Variants in TRANK1 observed in about 807,000 individuals in gnomAD.
TRANK1 encodes tetratricopeptide repeat and ankyrin repeat containing 1.
A neutral mutation model predicts 266.0 loss-of-function variants in TRANK1; 198 were observed. The observed-to-expected ratio is 0.74, with a 90% CI of 0.66 to 0.84. The LOEUF is 0.84. TRANK1 is among the 40% of genes least tolerant of loss of function. The pLI is 0.00. For synonymous variants in TRANK1, 1,396 were observed against 1,384.1 expected (o/e 1.01, Z -0.19); for missense variants, 3,326 against 3,634.6 (o/e 0.92, Z 2.18).
In TRANK1 at chr3:36,842,708, A is replaced by T; in HGVS notation, c.5194T>A (p.Phe1732Ile). Reference sequence around the variant, plus strand: ...GTCTTAACGAACATGCTATCATCAAAGTCTAAAATGAGAAAGAAAAGTGTG... The same window carrying T: ...GTCTTAACGAACATGCTATCATCAATGTCTAAAATGAGAAAGAAAAGTGTG... ...QVVKTDENKD[F>I]DDSMFVKTST... Residue 1732 changes from phenylalanine to isoleucine, a missense_variant and splice_region_variant, in exon 18 of 24, where the codon TTT becomes ATT. Transcript: ENST00000645898. 1 of 1,613,596 alleles carries T rather than the reference A, an allele frequency of 6.2e-7. No homozygotes were observed.
chr3:36,833,817 A>C lies in TRANK1; in HGVS notation c.5766T>G (p.Asn1922Lys). 1 of 1,613,938 alleles carries C rather than the reference A, an allele frequency of 6.2e-7. No homozygotes were observed. The highest frequency in any genetic ancestry group is 8.5e-7 in the Non-Finnish European group (1 of 1,179,886). The change falls in exon 22 of 24, where the codon AAT becomes AAG. Residue 1922 changes from asparagine to lysine, a missense_variant. Coordinates refer to ENST00000645898, the MANE Select transcript of TRANK1 (RefSeq NM_001329998.2). ...GGACAGCCATCATTTCCTTCATCTT[A>C]TTTGCACTCAGATACTTTGCTGCAG... Reference protein sequence around the residue: ...LEAAAKYLSANKMKEMMAVLS... With the variant: ...LEAAAKYLSAKKMKEMMAVLS...
intron 1 of TRANK1, among the ~76,000 whole-genome samples, chr3:36,921,471 A>T (rs1434213264): frequency 1.3e-5 from 2 of 152,212 alleles, no homozygotes; most frequent in Non-Finnish European, 2.9e-5. Context: ...GAAGTAAGGG[A>T]GTAAGAGTAC....
chr3:36,828,966 A>G (rs962007045), intron 23 of TRANK1, among the ~76,000 whole-genome samples: 2 of 152,210 alleles, frequency 1.3e-5, no homozygotes, highest in African/African-American at 4.8e-5. Context: ...GCAAGAAGGA[A>G]TGTGGTCCTG....
At chr3:36,849,225 C>T (rs895967136) in intron 15 of TRANK1, among the ~76,000 whole-genome samples, 1 of 152,100 alleles carries the variant, frequency 6.6e-6, no homozygotes, top group Non-Finnish European at 1.5e-5. Flanking sequence ...TCTGTCCCAC[C>T]GCCATGAGTA....
At chr3:36,851,406 A>G (rs898194953) in intron 15 of TRANK1, 5 of 1,093,698 alleles carry the variant, frequency 4.6e-6, no homozygotes, top group Non-Finnish European at 5.5e-6. Context: ...GCTTGCTCCA[A>G]CTTGGGCATC....
chr3:36,837,748 G>A (rs927073898), intron 20 of TRANK1, among the ~76,000 whole-genome samples: 1 of 152,234 alleles, frequency 6.6e-6, no homozygotes, highest in Non-Finnish European at 1.5e-5. Flanking sequence ...ATAGTTTGTA[G>A]CCTGCTGACC....
rs763988477 is a variant in TRANK1 at position 36,856,815 on chromosome 3, G to T, written c.2907C>A (p.Val969=). Reference sequence around the variant, plus strand: ...TGATACCTTTCAGCTTCTTCCGCAGGACACAGGACAAGCCCCGGTTGTAGG... The same window carrying T: ...TGATACCTTTCAGCTTCTTCCGCAGTACACAGGACAAGCCCCGGTTGTAGG... ...CNAYNRGLSC[V]LRKKLKGINK... The change falls in exon 13 of 24, where the codon GTC becomes GTA. Residue 969 remains valine (V), a synonymous_variant. Coordinates refer to ENST00000645898, the MANE Select transcript of TRANK1 (RefSeq NM_001329998.2). 1.2e-6 allele frequency: 2 copies of T among 1,613,988 alleles called. No individual in the cohort carries two copies. Among genetic ancestry groups the T allele is most frequent in the South Asian group, 2.2e-5 (2 of 91,082 alleles).
intron 1 of TRANK1, 84 bp downstream of exon 1, chr3:36,944,703 C>T: frequency 6.8e-7 from 1 of 1,466,386 alleles, no homozygotes; most frequent in South Asian, 1.3e-5. Flanking sequence ...GTCGCCAGTC[C>T]CCGCGCGCGG....
At chr3:36,894,012 GC>G (rs1341401513) in intron 5 of TRANK1, among the ~76,000 whole-genome samples, 2 of 151,882 alleles carry the variant, frequency 1.3e-5, no homozygotes, top group African/African-American at 4.8e-5. Context: ...AAGCCTCGCT[GC>G]CCACACTCAA....
Position 36,855,943 on chromosome 3 carries a change from G to T in TRANK1, c.3779C>A (p.Pro1260Gln), listed in dbSNP as rs757954950. Residue 1260 changes from proline (P) to glutamine (Q), a missense_variant, in exon 13 of 24, where the codon CCA becomes CAA. Pro to Gln is a moderately conservative substitution (Grantham distance 76). Coordinates refer to ENST00000645898, the MANE Select transcript of TRANK1 (RefSeq NM_001329998.2). Reference protein sequence around the residue: ...LLLLDASLPKPFFLRNEDGSL... With the variant: ...LLLLDASLPKQFFLRNEDGSL... ...TCCATCTTCGTTTCTCAGAAAAAAT[G>T]GTTTGGGCAGAGAAGCATCAAGCAG... 4 of 1,613,370 alleles carry T rather than the reference G, an allele frequency of 2.5e-6. No individual in the cohort carries two copies. In the African/African-American group the frequency reaches 5.4e-5, roughly 22 times the overall value.
chr3:36,885,519 G>A (rs374231771), intron 8 of TRANK1, among the ~76,000 whole-genome samples: 1 of 152,170 alleles, frequency 6.6e-6, no homozygotes, highest in Non-Finnish European at 1.5e-5. Context: ...GAAAAAGCTA[G>A]CGAAACTCAT....
Position 36,861,158 on chromosome 3 carries a change from T to C in TRANK1, c.1243A>G (p.Ile415Val). 6.5e-7 allele frequency: 1 copy of C among 1,535,516 alleles called. No individual in the cohort carries two copies. Among genetic ancestry groups the C allele is most frequent in the African/African-American group, 1.4e-5 (1 of 73,014 alleles). The change falls in exon 11 of 24, where the codon ATT becomes GTT. Residue 415 changes from isoleucine (I) to valine (V), a missense_variant and splice_region_variant. Coordinates refer to ENST00000645898, the MANE Select transcript of TRANK1 (RefSeq NM_001329998.2). ...ATATCACAGACCAGGTCAGGAGGAA[T>C]TTCTTTCAAAAATAAGAGTAAGACA... ...FLRLLSTLQE[I>V]PPDLVCDINQ...
Position 36,855,980 on chromosome 3 carries a change from G to A in TRANK1, c.3742C>T (p.Gln1248Ter). Reference protein sequence around the residue: ...ENFPLFVTSKQLLLLLDASLP... With the variant: ...ENFPLFVTSK ...GAAGCATCAAGCAGAAGAAGCAGCT[G>A]CTTGGAAGTGACAAACAGAGGAAAG... The change falls in exon 13 of 24, where the codon CAG (glutamine) becomes TAG (stop). Residue 1248 changes from glutamine to a stop codon, truncating the protein, a stop_gained. Transcript: ENST00000645898. LOFTEE classifies it high-confidence loss of function. 6.2e-7 allele frequency: 1 copy of A among 1,613,650 alleles called. No individual in the cohort carries two copies. The highest frequency in any genetic ancestry group is 1.1e-5 in the South Asian group (1 of 91,068).
At chr3:36,847,169 G>A (rs1412522313) in intron 16 of TRANK1, 31 bp downstream of exon 16, 2 of 1,603,012 alleles carry the variant, frequency 1.2e-6, no homozygotes, top group Non-Finnish European at 1.7e-6. Flanking sequence ...TCCATGTCAA[G>A]TACATGTGTT....
rs754378548 is a variant in TRANK1 at position 36,857,307 on chromosome 3, G to A, written c.2415C>T (p.Asn805=). ...LGALQLVPDD[N]RGKEGNDDQD... is the part of the protein sequence containing the mutation. Reference sequence around the variant, plus strand: ...GATCATCATTGCCCTCCTTCCCCCTGTTATCATCAGGCACAAGCTGCAAGG... The same window carrying A: ...GATCATCATTGCCCTCCTTCCCCCTATTATCATCAGGCACAAGCTGCAAGG... The change falls in exon 13 of 24, where the codon AAC becomes AAT. Residue 805 remains asparagine (N), a synonymous_variant. Coordinates refer to ENST00000645898, the MANE Select transcript of TRANK1 (RefSeq NM_001329998.2). The surrounding 1 kb of genome is among the most constrained non-coding windows in gnomAD (Gnocchi z 4.3). 3.1e-6 allele frequency: 5 copies of A among 1,608,792 alleles called. No individual in the cohort carries two copies. The highest frequency in any genetic ancestry group is 2.2e-5 in the South Asian group (2 of 90,084).
intron 8 of TRANK1, among the ~76,000 whole-genome samples, chr3:36,879,617 AAT>A (rs769000707): frequency 0.018 from 773 of 42,092 alleles, 36 homozygotes; most frequent in African/African-American, 0.023. Flanking sequence ...TAAATATACA[AAT>A]ATATATAAAT....
intron 17 of TRANK1, among the ~76,000 whole-genome samples, chr3:36,843,878 T>C (rs2125523937): frequency 6.6e-6 from 1 of 152,284 alleles, no homozygotes; most frequent in South Asian, 2.1e-4. Context: ...TGACTTAGCA[T>C]CTTGTTCTGA....
At chr3:36,900,851 CAAAAAAAA>C (rs138198488) in intron 3 of TRANK1, among the ~76,000 whole-genome samples, 33,616 of 63,884 alleles carry the variant, frequency 0.53, 6,391 homozygotes, top group East Asian at 0.71. Context: ...GACCCTGTCT[CAAAAAAAA>C]AAAAAAAAAA....
At chr3:36,851,943 T>G in intron 14 of TRANK1, 87 bp from the exon 15 acceptor site, 3 of 1,469,668 alleles carry the variant, frequency 2.0e-6, no homozygotes, top group Non-Finnish European at 2.7e-6. Flanking sequence ...GTAATGTTTT[T>G]AAAGAGAAAT....
Sources: gnomAD v4.1 joint callset for allele counts (sites outside exome capture counted in the v4.1 genomes callset) on GRCh38, gnomAD v4.1.1 for gene constraint, Gnocchi (gnomAD v3.1) non-coding constraint, MANE v1.5 for transcripts, NCBI Gene and HGNC (gene_info 2026-07-23, HGNC 2026-07-21) for gene names.